Variants in TENM4 observed in about 807,000 individuals in gnomAD.
The protein encoded by TENM4 is teneurin-4.
TENM4 carries 82 observed loss-of-function variants against 243.3 expected under a neutral mutation model. That is an observed-to-expected ratio of 0.34 (90% CI 0.28 to 0.40). The LOEUF is 0.40. Ranked by LOEUF, TENM4 falls within the 10% of genes least tolerant of loss-of-function variation. The probability of loss-of-function intolerance (pLI) is 1.00; values close to 1 mark genes in which losing one functional copy is unlikely to be tolerated. For synonymous variants in TENM4, 1,412 were observed against 1,456.3 expected (o/e 0.97, Z 0.69); for missense variants, 3,138 against 3,673.3 (o/e 0.85, Z 3.77).
chr11:78,805,192 A>C (rs1256706127), intron 15 of TENM4, 100 bp downstream of exon 15: 1 of 560,984 alleles, frequency 1.8e-6, no homozygotes, highest in Non-Finnish European at 2.7e-6. Context: ...AGGCACGGGG[A>C]ATGCATTGCT....
intron 1 of TENM4, among the ~76,000 whole-genome samples, chr11:79,385,560 G>A (rs548043): frequency 6.6e-6 from 1 of 151,860 alleles, no homozygotes. Flanking sequence ...TTTGAAGAGC[G>A]AATAATGCCT....
At position 78,889,860 on chromosome 11, in the gene TENM4, A is replaced by G. The variant is rs1210974364; in HGVS notation, c.1009T>C (p.Cys337Arg). 6.4e-7 allele frequency: 1 copy of G among 1,551,668 alleles called. No homozygotes were observed. Among genetic ancestry groups the G allele is most frequent in the Non-Finnish European group, 8.7e-7 (1 of 1,147,030 alleles). ...CTCAGGGCTGCGCACTTCCAGTTAC[A>G]GTACTTGGAGGGCTTCTTGAGGTTA... ...AFNLKKPSKY[C>R]NWKCAALSAI... Residue 337 changes from cysteine (C) to arginine (R), a missense_variant, in exon 9 of 34, where the codon TGT becomes CGT. Physicochemically the swap from Cys to Arg is radical, Grantham distance 180 (BLOSUM62 -3). Around this residue, in one of 2 missense-constraint regions of TENM4, gnomAD observed 671 missense variants for 614.1 expected, o/e 1.09. Coordinates refer to ENST00000278550, the MANE Select transcript of TENM4 (RefSeq NM_001098816.3).
intron 6 of TENM4, among the ~76,000 whole-genome samples, chr11:78,917,953 C>T (rs182002400): frequency 1.1e-4 from 16 of 152,270 alleles, no homozygotes; most frequent in African/African-American, 2.2e-4. Context: ...GCTAAGAACA[C>T]GCATGACACA....
chr11:78,677,455 T>G (rs1858507979), intron 29 of TENM4, among the ~76,000 whole-genome samples: 1 of 152,076 alleles, frequency 6.6e-6, no homozygotes, highest in African/African-American at 2.4e-5. Flanking sequence ...CAGGTTTCAA[T>G]ATTTGACCAG....
At position 78,701,976 on chromosome 11, in the gene TENM4, G is replaced by T. The variant is rs1458781055; in HGVS notation, c.4637C>A (p.Ala1546Asp). 1 of 1,614,004 alleles carries T rather than the reference G, an allele frequency of 6.2e-7. No individual in the cohort carries two copies. ...LNTPSSLAVC[A>D]DGELYVADLG... ...GTCGGCCACGTAGAGCTCCCCATCA[G>T]CACACACAGCCAAGGAAGATGGGGT... Residue 1546 changes from alanine to aspartate, a missense_variant, in exon 28 of 34, where the codon GCT (alanine) becomes GAT (aspartate). Around this residue, in one of 2 missense-constraint regions of TENM4, gnomAD observed 2,467 missense variants for 3,059.1 expected, o/e 0.81. Transcript: ENST00000278550.
intron 6 of TENM4, among the ~76,000 whole-genome samples, chr11:79,050,018 T>A (rs1454003182): frequency 6.6e-6 from 1 of 152,212 alleles, no homozygotes; most frequent in Non-Finnish European, 1.5e-5. Context: ...ATGCTTTTAG[T>A]GACTTATTGA....
chr11:78,850,886 C>T (rs182001481), intron 12 of TENM4, among the ~76,000 whole-genome samples: 296 of 152,258 alleles, frequency 1.9e-3, no homozygotes, highest in African/African-American at 6.7e-3. Context: ...TGTCTCTGAT[C>T]ACAGAGCTAA....
At chr11:79,200,435 T>C (rs970606059) in intron 3 of TENM4, among the ~76,000 whole-genome samples, 12 of 152,342 alleles carry the variant, frequency 7.9e-5, no homozygotes, top group African/African-American at 2.9e-4. Flanking sequence ...TGCCATAGGT[T>C]CCTTCATCAG....
At chr11:79,429,188 A>G (rs185525967) in intron 1 of TENM4, among the ~76,000 whole-genome samples, 101 of 152,298 alleles carry the variant, frequency 6.6e-4, no homozygotes, top group African/African-American at 2.3e-3. Context: ...TGCTGTCTCA[A>G]TCTAGAGCCC....
chr11:78,771,259 C>A, intron 17 of TENM4, 121 bp from the exon 18 acceptor site: 2 of 1,233,976 alleles, frequency 1.6e-6, no homozygotes, highest in Non-Finnish European at 2.3e-6. Flanking sequence ...CGAATGCCCA[C>A]AGCAGCCCAG....
At chr11:79,274,416 A>G (rs974315593) in intron 2 of TENM4, among the ~76,000 whole-genome samples, 1 of 152,218 alleles carries the variant, frequency 6.6e-6, no homozygotes, top group African/African-American at 2.4e-5. Context: ...AAAATCAACT[A>G]AATCAAGTTG....
At chr11:79,304,605 T>A (rs1310151695) in intron 1 of TENM4, among the ~76,000 whole-genome samples, 2 of 152,224 alleles carry the variant, frequency 1.3e-5, no homozygotes, top group Non-Finnish European at 2.9e-5. Flanking sequence ...GGTATCATTT[T>A]TGAGAGCAGT....
Position 79,089,429 on chromosome 11 carries a change from T to G in TENM4, c.-65-19420A>C, listed in dbSNP as rs986850786. On this transcript the variant is annotated intron_variant, in intron 4 of 33. Transcript: ENST00000278550. ...AAACAGGAAGGGCCCAGAGAATGAT[T>G]TTTAGCATAATCTAAAAGAAAGAGT... Among the ~76,000 whole-genome samples the G allele has an allele frequency of 5.2e-4, 79 of 152,216 alleles. 1 individual carries two copies. Among genetic ancestry groups the G allele is most frequent in the Non-Finnish European group, 2.2e-4 (15 of 68,044 alleles).
chr11:79,339,466 G>A (rs1857206553), intron 1 of TENM4, among the ~76,000 whole-genome samples: 2 of 152,158 alleles, frequency 1.3e-5, no homozygotes, highest in South Asian at 4.1e-4. Context: ...CCAGAGCCAA[G>A]GTCAAGGGCG....
intron 1 of TENM4, among the ~76,000 whole-genome samples, chr11:79,355,002 C>T (rs978188958): frequency 6.6e-6 from 1 of 152,206 alleles, no homozygotes; most frequent in Non-Finnish European, 1.5e-5. Context: ...TAGCGGCTAA[C>T]TGGGTCTACA....
chr11:79,337,379 C>G (rs1857164668), intron 1 of TENM4, among the ~76,000 whole-genome samples: 1 of 152,204 alleles, frequency 6.6e-6, no homozygotes, highest in African/African-American at 2.4e-5. Flanking sequence ...TCACCGTGAT[C>G]ACAGCTGATT....
In TENM4 at chr11:78,812,294, G is replaced by A. The variant is rs768680070; in HGVS notation, c.1806C>T (p.Ser602=). The change falls in exon 14 of 34, where the codon AGC becomes AGT. Residue 602 remains serine, a synonymous_variant. Coordinates refer to ENST00000278550, the MANE Select transcript of TENM4 (RefSeq NM_001098816.3). ...CGRASCPVLC[S]GNGQYMKGRC... is the part of the protein sequence containing the mutation. ...TGCCTTTCATGTATTGGCCATTTCCGCTACAGAGCACGGGGCAGGAGGCTG... is the reference window on the plus strand; with the variant it reads ...TGCCTTTCATGTATTGGCCATTTCCACTACAGAGCACGGGGCAGGAGGCTG... 4.3e-5 allele frequency: 66 copies of A among 1,551,648 alleles called. No individual in the cohort carries two copies. Among genetic ancestry groups the A allele is most frequent in the African/African-American group, 2.2e-4 (16 of 73,036 alleles).
intron 1 of TENM4, among the ~76,000 whole-genome samples, chr11:79,311,881 C>T (rs1159051437): frequency 1.3e-5 from 2 of 152,120 alleles, no homozygotes; most frequent in Non-Finnish European, 2.9e-5. Context: ...CTTGGAATTC[C>T]GTGATGTTCA....
intron 6 of TENM4, among the ~76,000 whole-genome samples, chr11:78,967,096 C>T (rs1857453527): frequency 6.6e-6 from 1 of 152,126 alleles, no homozygotes; most frequent in Admixed American, 6.5e-5. Flanking sequence ...GGTTTAATTT[C>T]ATGACCTCCT....
Sources: gnomAD v4.1 joint callset for allele counts (sites outside exome capture counted in the v4.1 genomes callset) on GRCh38, gnomAD v4.1.1 for gene constraint, gnomAD v4.1.1 regional missense constraint, MANE v1.5 for transcripts, NCBI Gene and HGNC (gene_info 2026-07-23, HGNC 2026-07-21) for gene names.